The following SMARCA2 variants were observed in gnomAD, a reference collection of about 807,000 sequenced individuals.
The protein encoded by SMARCA2 is SWI/SNF-related matrix-associated actin-dependent regulator of chromatin subfamily A member 2.
SMARCA2 carries 61 observed loss-of-function variants against 199.8 expected under a neutral mutation model. The observed-to-expected ratio is 0.31, with a 90% confidence interval of 0.25 to 0.38. The LOEUF is 0.38. Among genes scored for constraint, SMARCA2 ranks in the 10% least tolerant of loss-of-function variants. SMARCA2 has a pLI of 1.00. For missense variants in SMARCA2, 1,344 were observed against 2,012.2 expected (o/e 0.67, Z 6.35); for synonymous variants, 935 against 732.0 (o/e 1.28, Z -4.48).
intron 27 of SMARCA2, among the ~76,000 whole-genome samples, chr9:2,128,561 A>G (rs1177560103): frequency 1.3e-5 from 2 of 152,158 alleles, no homozygotes; most frequent in East Asian, 3.9e-4. Context: ...GGGTTGTCAA[A>G]CCTGAAGCTT....
intron 27 of SMARCA2, among the ~76,000 whole-genome samples, chr9:2,133,253 T>A (rs1563791143): frequency 2.6e-5 from 4 of 152,200 alleles, no homozygotes; most frequent in Admixed American, 6.5e-5. Flanking sequence ...AGAAATAATA[T>A]TTTAGGAATA....
rs949509332 is a variant in SMARCA2, at chr9:2,056,195, A to G, written c.1174-477A>G. Reference sequence around the variant, plus strand: ...TATTTCCCATCCTTTGTATGAGACTATGAATTAACGTTGTTTGAGTACCTG... The same window carrying G: ...TATTTCCCATCCTTTGTATGAGACTGTGAATTAACGTTGTTTGAGTACCTG... On this transcript the variant is annotated intron_variant, in intron 6 of 33. Coordinates refer to ENST00000349721, the MANE Select transcript of SMARCA2 (RefSeq NM_003070.5). The surrounding 1 kb of genome is among the most constrained non-coding windows in gnomAD (Gnocchi z 4.0). 6.6e-6 allele frequency among the ~76,000 whole-genome samples: 1 copy of G among 152,238 alleles called. No individual in the cohort carries two copies. Among genetic ancestry groups the G allele is most frequent in the Non-Finnish European group, 1.5e-5 (1 of 68,030 alleles).
chr9:2,149,826 C>G (rs1404231900), intron 27 of SMARCA2, among the ~76,000 whole-genome samples: 1 of 151,412 alleles, frequency 6.6e-6, no homozygotes, highest in Non-Finnish European at 1.5e-5. Flanking sequence ...CTTAGCTAAC[C>G]AAAACTCAAA....
At chr9:2,158,871 G>C in intron 27 of SMARCA2, 3 of 1,447,306 alleles carry the variant, frequency 2.1e-6, no homozygotes, top group African/African-American at 2.8e-5. Context: ...AGAAATCACA[G>C]AACATAAAGC....
chr9:2,097,154 C>T (rs1285472305), intron 20 of SMARCA2: 2 of 509,792 alleles, frequency 3.9e-6, no homozygotes, highest in African/African-American at 3.8e-5. Context: ...CCTCACTGGA[C>T]ATAATCCTTC....
At chr9:2,045,858 C>CACAT (rs1554616585) in intron 4 of SMARCA2, 2 of 148,852 alleles carry the variant, frequency 1.3e-5, no homozygotes, top group East Asian at 2.0e-4. Flanking sequence ...CACACACACA[C>CACAT]GACACAAACA....
intron 29 of SMARCA2, among the ~76,000 whole-genome samples, chr9:2,172,850 C>G (rs1288039243): frequency 1.3e-5 from 2 of 152,076 alleles, no homozygotes; most frequent in African/African-American, 4.8e-5. Flanking sequence ...AGTAGATAGC[C>G]AAGAGAGGAT....
chr9:2,158,057 A>G (rs1825461480), intron 27 of SMARCA2, among the ~76,000 whole-genome samples: 1 of 151,610 alleles, frequency 6.6e-6, no homozygotes, highest in African/African-American at 2.4e-5. Flanking sequence ...ATAAGAACTA[A>G]TTGAAGAGGG....
rs904910116 is a variant in SMARCA2, at chr9:2,191,584, G to A, written c.4737+176G>A. 4 of 602,844 alleles carry A rather than the reference G, an allele frequency of 6.6e-6. No individual in the cohort carries two copies. The Admixed American group carries it at 1.0e-4, about 15-fold the overall frequency. The allele number at this position is 602,844 out of a possible 1,614,324, so 37.3% of individuals were successfully genotyped here. On this transcript the variant is annotated intron_variant, in intron 33 of 33. Coordinates refer to ENST00000349721, the MANE Select transcript of SMARCA2 (RefSeq NM_003070.5). ...ACGGAGCTGTATGATTTAGAACAAA[G>A]GATTGGGGGCTTTGTTTATTGCCTT...
intron 9 of SMARCA2, among the ~76,000 whole-genome samples, chr9:2,061,225 A>C (rs1820577743): frequency 1.3e-5 from 2 of 152,358 alleles, no homozygotes; most frequent in South Asian, 4.1e-4. Context: ...TTCATAAATC[A>C]TTGTTTAATA....
intron 28 of SMARCA2, among the ~76,000 whole-genome samples, chr9:2,164,381 CTG>C (rs1825841240): frequency 6.6e-6 from 1 of 152,210 alleles, no homozygotes; most frequent in Admixed American, 6.5e-5. Flanking sequence ...AATCCTGACT[CTG>C]ACATTCACCA....
At chr9:2,112,235 A>C (rs972422935) in intron 24 of SMARCA2, among the ~76,000 whole-genome samples, 1 of 152,094 alleles carries the variant, frequency 6.6e-6, no homozygotes, top group Non-Finnish European at 1.5e-5. Flanking sequence ...GGTGTGCTCA[A>C]TGTGATTGGA....
intron 23 of SMARCA2, among the ~76,000 whole-genome samples, chr9:2,105,018 G>T (rs142021186): frequency 8.5e-5 from 13 of 152,226 alleles, no homozygotes; most frequent in African/African-American, 2.9e-4. Context: ...ATTGTTAAAT[G>T]GGAAACTTAA....
chr9:2,050,477 G>T (rs7855240), intron 5 of SMARCA2, among the ~76,000 whole-genome samples: 18,692 of 152,154 alleles, frequency 0.12, 1,177 homozygotes, highest in East Asian at 0.23. Context: ...TGTTTGCCTG[G>T]AAGATGTATT....
chr9:2,160,610 A>G, intron 27 of SMARCA2: 1 of 702,432 alleles, frequency 1.4e-6, no homozygotes, highest in Admixed American at 2.0e-5. Context: ...GGTGCTGTGG[A>G]GAAATGAAGG....
rs1220889679 is a variant in SMARCA2 at position 2,110,031 on chromosome 9, C to T, written c.3293-223C>T. ...GGATTTTGTAAAATTTGTGAAGTTG[C>T]GAAGATGCCTCATTAGAAATGTTTA... On this transcript the variant is annotated intron_variant, in intron 23 of 33. Coordinates refer to ENST00000349721, the MANE Select transcript of SMARCA2 (RefSeq NM_003070.5). This position sits in a 1 kb window ranked among gnomAD's most constrained non-coding sequence, Gnocchi z 4.8. 1.3e-5 allele frequency among the ~76,000 whole-genome samples: 2 copies of T among 151,976 alleles called. No homozygotes were observed. Among genetic ancestry groups the T allele is most frequent in the Non-Finnish European group, 2.9e-5 (2 of 68,010 alleles).
intron 31 of SMARCA2, among the ~76,000 whole-genome samples, 174 bp downstream of exon 31, chr9:2,182,416 A>G (rs1251586505): frequency 6.6e-6 from 1 of 151,302 alleles, no homozygotes; most frequent in Admixed American, 6.6e-5. Context: ...TGGCATCTGC[A>G]GATTACCTTT....
intron 2 of SMARCA2, among the ~76,000 whole-genome samples, chr9:2,032,279 A>C (rs541611509): frequency 6.6e-6 from 1 of 152,308 alleles, no homozygotes; most frequent in East Asian, 1.9e-4. Flanking sequence ...TCGATTCAAT[A>C]GCTGTTTATT....
At chr9:2,188,359 A>G (rs1308349075) in intron 32 of SMARCA2, among the ~76,000 whole-genome samples, 1 of 150,960 alleles carries the variant, frequency 6.6e-6, no homozygotes, top group African/African-American at 2.4e-5. Context: ...CAGAGAATGG[A>G]GTTTCCATTC....
Sources: gnomAD v4.1 joint callset for allele counts (sites outside exome capture counted in the v4.1 genomes callset) on GRCh38, gnomAD v4.1.1 for gene constraint, Gnocchi (gnomAD v3.1) non-coding constraint, MANE v1.5 for transcripts, NCBI Gene and HGNC (gene_info 2026-07-23, HGNC 2026-07-21) for gene names.